PHF14: variants seen among roughly 807,000 people sequenced by gnomAD.
PHF14 encodes the protein PHD finger protein 14.
Under a neutral mutation model 117.9 loss-of-function variants are expected in PHF14, and 55 were observed. That is an observed-to-expected ratio of 0.47 (90% CI 0.38 to 0.58). The LOEUF is 0.58. Among genes scored for constraint, PHF14 ranks in the 20% least tolerant of loss-of-function variants. PHF14 has a pLI of 0.00. For missense variants in PHF14, 978 were observed against 1,122.2 expected (o/e 0.87, Z 1.84); for synonymous variants, 409 against 368.6 (o/e 1.11, Z -1.26).
intron 17 of PHF14, among the ~76,000 whole-genome samples, chr7:11,126,808 C>T (rs1277929733): frequency 1.3e-5 from 2 of 148,748 alleles, no homozygotes; most frequent in Admixed American, 6.7e-5. Flanking sequence ...CTGAATTTGA[C>T]ATCATTAAAC....
At chr7:11,103,604 G>T (rs897935574) in intron 16 of PHF14, 3 of 982,612 alleles carry the variant, frequency 3.1e-6, no homozygotes, top group African/African-American at 3.5e-5. Context: ...CATGTAAATT[G>T]TCAACATGTA....
At chr7:11,052,361 G>A (rs985508187) in intron 14 of PHF14, among the ~76,000 whole-genome samples, 4 of 152,258 alleles carry the variant, frequency 2.6e-5, no homozygotes, top group Non-Finnish European at 2.9e-5. Context: ...GGAAAGAATA[G>A]ATTATTACCT....
At chr7:11,002,921 A>C (rs1166879908) in intron 4 of PHF14, among the ~76,000 whole-genome samples, 1 of 151,870 alleles carries the variant, frequency 6.6e-6, no homozygotes, top group Non-Finnish European at 1.5e-5. Flanking sequence ...CTCTTGCTCC[A>C]GCTCTTCTAC....
intron 4 of PHF14, among the ~76,000 whole-genome samples, chr7:10,994,714 C>T (rs531530467): frequency 6.6e-6 from 1 of 152,134 alleles, no homozygotes; most frequent in South Asian, 2.1e-4. Context: ...GGAGTTTGCT[C>T]CTTCTGATGT....
chr7:11,000,410 G>A (rs1158574944), intron 4 of PHF14, among the ~76,000 whole-genome samples: 3 of 142,756 alleles, frequency 2.1e-5, no homozygotes, highest in African/African-American at 8.0e-5. Flanking sequence ...TGGGATCTTG[G>A]CTCACTGCAA....
intron 4 of PHF14, among the ~76,000 whole-genome samples, chr7:11,002,346 A>G (rs1299279226): frequency 8.5e-6 from 1 of 117,910 alleles, no homozygotes; most frequent in African/African-American, 3.2e-5. Context: ...TCAAGGGGGG[A>G]GCCAGAGCAA....
chr7:10,981,094 A>C (rs1782030560), intron 2 of PHF14, among the ~76,000 whole-genome samples: 1 of 152,130 alleles, frequency 6.6e-6, no homozygotes, highest in Non-Finnish European at 1.5e-5. Flanking sequence ...GTTAGCAGTC[A>C]TTTGTATGTG....
intron 16 of PHF14, among the ~76,000 whole-genome samples, chr7:11,094,052 G>A (rs74360109): frequency 1.2e-3 from 180 of 152,198 alleles, no homozygotes; most frequent in African/African-American, 4.1e-3. Context: ...AAGGAGAAGG[G>A]TCTGGGTGAG....
At chr7:11,053,398 A>G (rs995601025) in intron 14 of PHF14, among the ~76,000 whole-genome samples, 6 of 151,932 alleles carry the variant, frequency 3.9e-5, no homozygotes, top group Admixed American at 3.9e-4. Context: ...TCAACTGTTT[A>G]TAACTCTTTT....
intron 17 of PHF14, among the ~76,000 whole-genome samples, chr7:11,166,122 TTA>T (rs1386796133): frequency 6.6e-6 from 1 of 152,176 alleles, no homozygotes; most frequent in African/African-American, 2.4e-5. Context: ...GTGTATTTTT[TTA>T]GAGTATGAAT....
At chr7:11,065,326 T>A (rs1003392174) in intron 16 of PHF14, among the ~76,000 whole-genome samples, 2 of 152,116 alleles carry the variant, frequency 1.3e-5, no homozygotes, top group African/African-American at 4.8e-5. Context: ...GCTTTGTCTG[T>A]GATAGGTCAT....
At chr7:11,076,402 A>G (rs547980854) in intron 16 of PHF14, among the ~76,000 whole-genome samples, 7 of 152,110 alleles carry the variant, frequency 4.6e-5, no homozygotes, top group South Asian at 2.1e-4. Context: ...TCTTATAAGT[A>G]TGCTGTTTAG....
At position 10,974,321 on chromosome 7, in the gene PHF14, C is replaced by G. The variant is rs190074; in HGVS notation, c.-3C>G. 6 of 1,591,446 alleles carry G rather than the reference C, an allele frequency of 3.8e-6. No individual in the cohort carries two copies. In the African/African-American group the frequency reaches 6.7e-5, roughly 18 times the overall value. ...CTCCAAACGACCACCTCACGGATTC[C>G]TTAGTAAGTGTATCCGAGGCCTCTG... is the stretch of plus-strand genomic sequence containing the variant. On this transcript the variant is annotated 5_prime_UTR_variant, in exon 1 of 18. Transcript: ENST00000634607.
intron 13 of PHF14, among the ~76,000 whole-genome samples, chr7:11,045,745 T>A (rs1227992172): frequency 6.6e-6 from 1 of 151,978 alleles, no homozygotes; most frequent in Non-Finnish European, 1.5e-5. Flanking sequence ...GGTAGGGAAG[T>A]TGAGTGAATT....
chr7:11,122,376 CACACACACAT>C (rs1191681464), intron 17 of PHF14, among the ~76,000 whole-genome samples: 16 of 112,246 alleles, frequency 1.4e-4, no homozygotes, highest in African/African-American at 5.6e-4. Flanking sequence ...CACACACACA[CACACACACAT>C]ACATACACAC....
At chr7:11,028,624 C>A (rs1784010462) in intron 6 of PHF14, 57 bp from the exon 7 acceptor site, 10 of 1,509,380 alleles carry the variant, frequency 6.6e-6, no homozygotes, top group East Asian at 2.3e-5. Flanking sequence ...TATGAGAATG[C>A]AGTCTTTAGT....
intron 16 of PHF14, among the ~76,000 whole-genome samples, chr7:11,069,539 ATT>A (rs71807051): frequency 6.7e-6 from 1 of 150,190 alleles, no homozygotes; most frequent in Non-Finnish European, 1.5e-5. Flanking sequence ...TCTTTTATGT[ATT>A]TTTTTTAATT....
At chr7:11,142,545 A>T (rs886095780) in intron 17 of PHF14, among the ~76,000 whole-genome samples, 210 of 152,128 alleles carry the variant, frequency 1.4e-3, no homozygotes, top group Non-Finnish European at 1.7e-3. Flanking sequence ...CCAAGATAAC[A>T]TCAGCATTTT....
At chr7:11,066,382 C>A (rs1279161418) in intron 16 of PHF14, among the ~76,000 whole-genome samples, 1 of 152,168 alleles carries the variant, frequency 6.6e-6, no homozygotes, top group Non-Finnish European at 1.5e-5. Context: ...ACCTCAGCCT[C>A]CCGAGTAGCT....
Sources: gnomAD v4.1 joint callset for allele counts (sites outside exome capture counted in the v4.1 genomes callset) on GRCh38, gnomAD v4.1.1 for gene constraint, MANE v1.5 for transcripts, NCBI Gene and HGNC (gene_info 2026-07-23, HGNC 2026-07-21) for gene names.